COL24A1: variants seen among roughly 807,000 people sequenced by gnomAD.
The protein encoded by COL24A1 is collagen alpha-1(XXIV) chain.
Under a neutral mutation model 253.9 loss-of-function variants are expected in COL24A1, and 224 were observed. The ratio of observed to expected loss-of-function variants is 0.88; its 90% confidence interval spans 0.79 to 0.99. The LOEUF is 0.99. Among genes scored for constraint, COL24A1 ranks in the 50% least tolerant of loss-of-function variants. The pLI is 0.00. For synonymous variants in COL24A1, 685 were observed against 673.7 expected, an observed-to-expected ratio of 1.02 and a Z score of -0.26; for missense variants, 2,131 against 2,068.5, an observed-to-expected ratio of 1.03 and a Z score of -0.59.
At chr1:85,921,899 C>G (rs769837283) in intron 24 of COL24A1, among the ~76,000 whole-genome samples, 1 of 152,108 alleles carries the variant, frequency 6.6e-6, no homozygotes, top group African/African-American at 2.4e-5. Context: ...GAACTCATCG[C>G]AAGTAAGCTA....
chr1:85,980,827 T>C (rs564529681), intron 20 of COL24A1, among the ~76,000 whole-genome samples: 1 of 152,032 alleles, frequency 6.6e-6, no homozygotes, highest in Non-Finnish European at 1.5e-5. Context: ...GAGAATGGCA[T>C]GAACCCAGAA....
At chr1:85,854,800 T>C (rs1047419475) in intron 37 of COL24A1, among the ~76,000 whole-genome samples, 1 of 151,740 alleles carries the variant, frequency 6.6e-6, no homozygotes, top group Admixed American at 6.6e-5. Flanking sequence ...ACCTCCTGGG[T>C]TCAAGCGATT....
chr1:85,975,640 A>T, intron 20 of COL24A1, among the ~76,000 whole-genome samples: 1 of 152,176 alleles, frequency 6.6e-6, no homozygotes, highest in Non-Finnish European at 1.5e-5. Context: ...AGGGGCTTCC[A>T]CTTGGACAGA....
At chr1:86,090,086 G>C (rs1232931466) in intron 6 of COL24A1, among the ~76,000 whole-genome samples, 1 of 152,146 alleles carries the variant, frequency 6.6e-6, no homozygotes. Flanking sequence ...CCGGAGTAAC[G>C]AGCGAAAATT....
At chr1:85,850,137 C>T (rs935115740) in intron 37 of COL24A1, among the ~76,000 whole-genome samples, 1 of 151,922 alleles carries the variant, frequency 6.6e-6, no homozygotes, top group Admixed American at 6.6e-5. Context: ...TCAATATACA[C>T]TTTTTTTTAA....
At chr1:85,853,278 G>A (rs1277809215) in intron 37 of COL24A1, among the ~76,000 whole-genome samples, 2 of 152,186 alleles carry the variant, frequency 1.3e-5, no homozygotes, top group Non-Finnish European at 2.9e-5. Flanking sequence ...CTGCATCCAT[G>A]TTGCTGGTTA....
At chr1:86,096,883 C>T (rs1355095759) in intron 5 of COL24A1, among the ~76,000 whole-genome samples, 1 of 150,956 alleles carries the variant, frequency 6.6e-6, no homozygotes. Flanking sequence ...TTCATAACTC[C>T]TTCTCTTTCT....
chr1:85,843,488 A>G (rs1023493927), intron 39 of COL24A1, among the ~76,000 whole-genome samples: 6 of 152,174 alleles, frequency 3.9e-5, no homozygotes, highest in African/African-American at 1.4e-4. Flanking sequence ...TCCAACAAAA[A>G]AGAGAGAGAG....
intron 51 of COL24A1, among the ~76,000 whole-genome samples, chr1:85,782,270 TA>T (rs925205829): frequency 1.3e-5 from 2 of 152,240 alleles, no homozygotes; most frequent in African/African-American, 4.8e-5. Context: ...ATATTTTTAT[TA>T]GAGATGGGGT....
At chr1:86,057,099 G>T (rs182652899) in intron 10 of COL24A1, among the ~76,000 whole-genome samples, 1 of 152,086 alleles carries the variant, frequency 6.6e-6, no homozygotes, top group Non-Finnish European at 1.5e-5. Flanking sequence ...GACTGGATTG[G>T]GGGGCGGATC....
intron 43 of COL24A1, among the ~76,000 whole-genome samples, chr1:85,825,090 C>G (rs978016429): frequency 8.1e-6 from 1 of 123,304 alleles, no homozygotes; most frequent in Non-Finnish European, 1.6e-5. Context: ...CACCCCACAA[C>G]AGTCCCCAGA....
intron 2 of COL24A1, among the ~76,000 whole-genome samples, chr1:86,136,681 TG>T (rs1430739074): frequency 1.2e-4 from 19 of 152,062 alleles, no homozygotes; most frequent in African/African-American, 4.6e-4. Context: ...GGTCTCTGAC[TG>T]CTCCACCACA....
chr1:85,781,306 T>C (rs759461339), intron 51 of COL24A1, 33 bp from the exon 52 acceptor site: 3 of 1,494,204 alleles, frequency 2.0e-6, no homozygotes, highest in South Asian at 1.2e-5. Flanking sequence ...GTCTCACTGT[T>C]AGTATAATTA....
chr1:85,772,258 T>C (rs2101346624), intron 53 of COL24A1, among the ~76,000 whole-genome samples: 1 of 151,906 alleles, frequency 6.6e-6, no homozygotes. Context: ...TACAATGAGA[T>C]ACCATCTCAC....
chr1:85,791,696 T>C (rs1443954298), intron 47 of COL24A1, among the ~76,000 whole-genome samples: 2 of 152,174 alleles, frequency 1.3e-5, no homozygotes, highest in African/African-American at 4.8e-5. Context: ...CATACGCTCA[T>C]GAATTGCAGC....
Position 85,889,607 on chromosome 1 carries a change from G to A in COL24A1, c.2929C>T (p.Gln977Ter). ...ERGFQGKPGL[Q>*]GLPGSTGDRG... The stretch of plus-strand genomic sequence containing the variant: ...TCACCTGTACTTCCAGGCAATCCCT[G>A]TAAACCCTGGACAAATAAAGGCAAT... The change falls in exon 32 of 60, where the codon CAG becomes TAG. Residue 977 changes from glutamine to a stop codon, truncating the protein, a stop_gained. Coordinates refer to ENST00000370571, the MANE Select transcript of COL24A1 (RefSeq NM_152890.7). LOFTEE classifies it high-confidence loss of function. 6.2e-7 allele frequency: 1 copy of A among 1,613,080 alleles called. No homozygotes were observed. Among genetic ancestry groups the A allele is most frequent in the Non-Finnish European group, 8.5e-7 (1 of 1,179,300 alleles).
intron 5 of COL24A1, among the ~76,000 whole-genome samples, chr1:86,106,408 C>G (rs1704984724): frequency 6.6e-6 from 1 of 151,762 alleles, no homozygotes; most frequent in Non-Finnish European, 1.5e-5. Context: ...AACTATTGGC[C>G]CTGACTAAAT....
intron 24 of COL24A1, among the ~76,000 whole-genome samples, chr1:85,927,232 C>A (rs566414543): frequency 7.2e-5 from 11 of 152,238 alleles, no homozygotes; most frequent in South Asian, 6.2e-4. Flanking sequence ...GCGCACCGTG[C>A]GCGAGCCGAA....
At chr1:85,956,619 T>C (rs111244414) in intron 24 of COL24A1, among the ~76,000 whole-genome samples, 5 of 152,336 alleles carry the variant, frequency 3.3e-5, no homozygotes, top group African/African-American at 1.2e-4. Flanking sequence ...TGGACAATCA[T>C]CTGAAAATCT....
Sources: gnomAD v4.1 joint callset for allele counts (sites outside exome capture counted in the v4.1 genomes callset) on GRCh38, gnomAD v4.1.1 for gene constraint, MANE v1.5 for transcripts, NCBI Gene and HGNC (gene_info 2026-07-23, HGNC 2026-07-21) for gene names.